Variants in IMMP2L observed in about 807,000 individuals in gnomAD.
The protein encoded by IMMP2L is inner mitochondrial membrane peptidase subunit 2, also known as mitochondrial inner membrane protease subunit 2.
In IMMP2L, 18 loss-of-function variants were observed where a neutral mutation model predicts 19.3. That is an observed-to-expected ratio of 0.93 (90% CI 0.64 to 1.38). The LOEUF is 1.38. Ranked by LOEUF, IMMP2L falls within the 40% of genes most tolerant of loss-of-function variation. IMMP2L has a pLI of 0.00. For synonymous variants in IMMP2L, 76 were observed against 73.0 expected (o/e 1.04, Z -0.21); for missense variants, 233 against 218.2 (o/e 1.07, Z -0.43).
chr7:111,491,203 T>A (rs975233655), intron 2 of IMMP2L, among the ~76,000 whole-genome samples: 1 of 152,176 alleles, frequency 6.6e-6, no homozygotes. Flanking sequence ...TGTAAAAATA[T>A]AGTATATAAT....
intron 3 of IMMP2L, among the ~76,000 whole-genome samples, chr7:111,485,597 CAAAAAAAAAAAAAAAAA>C (rs71147477): frequency 4.0e-5 from 2 of 50,596 alleles, no homozygotes; most frequent in Non-Finnish European, 6.5e-5. Flanking sequence ...GACTCTGTTT[CAAAAAAAAAAAAAAAAA>C]AAAAAAAAAA....
intron 4 of IMMP2L, among the ~76,000 whole-genome samples, chr7:110,918,452 CTTTTTTTTTT>C (rs1029668134): frequency 7.7e-6 from 1 of 130,488 alleles, no homozygotes; most frequent in East Asian, 2.2e-4. Context: ...TTCTTTTTTT[CTTTTTTTTTT>C]TTTTTTTGTT....
intron 3 of IMMP2L, among the ~76,000 whole-genome samples, chr7:111,204,472 A>G (rs1810486682): frequency 1.3e-5 from 2 of 152,192 alleles, no homozygotes; most frequent in South Asian, 4.1e-4. Flanking sequence ...TAAGTATTAA[A>G]TAATGCCAGT....
At chr7:111,403,018 A>G (rs888686827) in intron 3 of IMMP2L, among the ~76,000 whole-genome samples, 1 of 29,964 alleles carries the variant, frequency 3.3e-5, no homozygotes, top group Admixed American at 3.1e-4. Flanking sequence ...CGCCAGGCTC[A>G]GGTGATCCTC....
At chr7:111,239,734 TGA>T (rs1257925526) in intron 3 of IMMP2L, among the ~76,000 whole-genome samples, 1 of 151,880 alleles carries the variant, frequency 6.6e-6, no homozygotes, top group African/African-American at 2.4e-5. Flanking sequence ...GGCAAAAAGA[TGA>T]GAGCAGCAAT....
chr7:111,132,647 T>TAA (rs1336726541), intron 3 of IMMP2L, among the ~76,000 whole-genome samples: 2 of 152,040 alleles, frequency 1.3e-5, no homozygotes, highest in Non-Finnish European at 2.9e-5. Context: ...TTCTACTTTA[T>TAA]AAATTGTATA....
chr7:110,720,914 T>C (rs1795524042), intron 5 of IMMP2L, among the ~76,000 whole-genome samples: 1 of 152,138 alleles, frequency 6.6e-6, no homozygotes, highest in Admixed American at 6.6e-5. Flanking sequence ...TACCTCTGGA[T>C]TGATAGCAAC....
chr7:110,969,576 T>G (rs2129556363), intron 3 of IMMP2L, among the ~76,000 whole-genome samples: 1 of 152,164 alleles, frequency 6.6e-6, no homozygotes, highest in East Asian at 1.9e-4. Context: ...ATGTTAATGT[T>G]TCAAATTTGT....
chr7:111,110,021 G>A (rs1799011300), intron 3 of IMMP2L, among the ~76,000 whole-genome samples: 1 of 152,148 alleles, frequency 6.6e-6, no homozygotes, highest in Non-Finnish European at 1.5e-5. Context: ...TGTAGTCCAA[G>A]CTACTCAGGA....
At chr7:110,825,995 A>G (rs904218598) in intron 5 of IMMP2L, among the ~76,000 whole-genome samples, 8 of 152,206 alleles carry the variant, frequency 5.3e-5, no homozygotes, top group Admixed American at 1.3e-4. Context: ...TTACAAGAAA[A>G]AAACAAACAA....
chr7:111,311,919 A>C (rs1459491565), intron 3 of IMMP2L, among the ~76,000 whole-genome samples: 2 of 152,128 alleles, frequency 1.3e-5, no homozygotes, highest in Non-Finnish European at 2.9e-5. Context: ...CATTCCATTA[A>C]AATGAGAGAG....
At chr7:111,516,632 G>T (rs1304921602) in intron 2 of IMMP2L, among the ~76,000 whole-genome samples, 1 of 151,950 alleles carries the variant, frequency 6.6e-6, no homozygotes, top group South Asian at 2.1e-4. Context: ...TCCACAAAGG[G>T]ACATTACAAA....
intron 5 of IMMP2L, among the ~76,000 whole-genome samples, chr7:110,696,425 C>CTTTTTT (rs374621101): frequency 4.9e-4 from 59 of 119,842 alleles, no homozygotes; most frequent in African/African-American, 1.0e-3. Flanking sequence ...TCCTTTTTCT[C>CTTTTTT]TTTTTTTTTT....
At chr7:111,420,684 A>G (rs113540551) in intron 3 of IMMP2L, among the ~76,000 whole-genome samples, 3,532 of 150,740 alleles carry the variant, frequency 0.023, 235 homozygotes, top group African/African-American at 0.082. Context: ...GTGATAATTT[A>G]CTGAGAATGA....
intron 5 of IMMP2L, among the ~76,000 whole-genome samples, chr7:110,689,353 T>C: frequency 7.1e-6 from 1 of 141,372 alleles, no homozygotes; most frequent in South Asian, 2.2e-4. Context: ...TTTCCATCTA[T>C]TTTCCATTTT....
intron 5 of IMMP2L, among the ~76,000 whole-genome samples, chr7:110,827,244 C>T (rs1803582517): frequency 1.3e-5 from 2 of 152,048 alleles, no homozygotes; most frequent in Non-Finnish European, 2.9e-5. Flanking sequence ...AGCAACCCAC[C>T]CAAAGACCGT....
At chr7:111,358,219 C>T (rs1429615370) in intron 3 of IMMP2L, among the ~76,000 whole-genome samples, 1 of 150,392 alleles carries the variant, frequency 6.6e-6, no homozygotes, top group East Asian at 1.9e-4. Context: ...CCTCACCTAC[C>T]CCACAGCCTC....
At chr7:111,097,555 CAACT>C (rs1381254759) in intron 3 of IMMP2L, among the ~76,000 whole-genome samples, 2 of 151,386 alleles carry the variant, frequency 1.3e-5, no homozygotes, top group Non-Finnish European at 3.0e-5. Flanking sequence ...ATAACATTGT[CAACT>C]AACTTTCAGC....
At chr7:110,962,573 A>G in intron 4 of IMMP2L, 1 of 227,424 alleles carries the variant, frequency 4.4e-6, no homozygotes, top group Middle Eastern at 2.4e-3. Context: ...TACACTCACA[A>G]GAGAATGAGA....
Sources: allele counts gnomAD v4.1 joint callset (sites outside exome capture counted in the v4.1 genomes callset), GRCh38; gene constraint gnomAD v4.1.1; transcripts MANE v1.5; gene names NCBI Gene and HGNC (gene_info 2026-07-23, HGNC 2026-07-21).